The following CNTN3 variants were observed in gnomAD, a reference collection of about 807,000 sequenced individuals.
CNTN3 encodes contactin-3.
Under a neutral mutation model 119.1 loss-of-function variants are expected in CNTN3, and 60 were observed. The ratio of observed to expected loss-of-function variants is 0.50; its 90% CI spans 0.41 to 0.62. CNTN3 has a LOEUF of 0.62. CNTN3 is among the 20% of genes least tolerant of loss of function. The probability of loss-of-function intolerance (pLI) is 0.00; values close to 1 mark genes in which losing one functional copy is unlikely to be tolerated. For missense variants in CNTN3, 1,101 were observed against 1,242.4 expected, an observed-to-expected ratio of 0.89 and a Z score of 1.71; for synonymous variants, 450 against 438.7, an observed-to-expected ratio of 1.03 and a Z score of -0.32.
chr3:74,441,192 A>G (rs768934520), intron 4 of CNTN3, among the ~76,000 whole-genome samples: 8 of 152,186 alleles, frequency 5.3e-5, no homozygotes, highest in Non-Finnish European at 7.3e-5. Flanking sequence ...AACCCAGAAA[A>G]AACCCATCAA....
chr3:74,431,223 A>G (rs1358089158), intron 4 of CNTN3, among the ~76,000 whole-genome samples: 1 of 152,204 alleles, frequency 6.6e-6, no homozygotes, highest in Non-Finnish European at 1.5e-5. Flanking sequence ...CCAGGAAACC[A>G]TCAATGCATA....
At chr3:74,434,620 T>C (rs1701837145) in intron 4 of CNTN3, among the ~76,000 whole-genome samples, 1 of 152,184 alleles carries the variant, frequency 6.6e-6, no homozygotes, top group African/African-American at 2.4e-5. Context: ...CTCTAGCTAT[T>C]TGAACAGGGC....
chr3:74,550,518 G>A (rs1703974784), intron 1 of CNTN3, among the ~76,000 whole-genome samples: 2 of 152,080 alleles, frequency 1.3e-5, no homozygotes, highest in Admixed American at 1.3e-4. Context: ...GCCACTTTTT[G>A]CTCCTGTTGT....
intron 4 of CNTN3, among the ~76,000 whole-genome samples, chr3:74,480,137 T>C (rs535482730): frequency 1.3e-5 from 2 of 152,076 alleles, no homozygotes; most frequent in Non-Finnish European, 2.9e-5. Flanking sequence ...AGCTGATGCT[T>C]ATTCAAATAT....
intron 2 of CNTN3, among the ~76,000 whole-genome samples, chr3:74,519,167 T>C (rs1038172574): frequency 1.3e-5 from 2 of 151,694 alleles, no homozygotes; most frequent in Non-Finnish European, 2.9e-5. Flanking sequence ...TTTGCATGTA[T>C]AATTACACAC....
chr3:74,388,250 A>T (rs1280208452), intron 5 of CNTN3, among the ~76,000 whole-genome samples: 1 of 152,218 alleles, frequency 6.6e-6, no homozygotes, highest in Non-Finnish European at 1.5e-5. Context: ...GAATTTAAAT[A>T]AAAAGTCTAC....
intron 4 of CNTN3, among the ~76,000 whole-genome samples, chr3:74,450,720 T>A (rs1240430059): frequency 2.8e-5 from 4 of 141,008 alleles, no homozygotes; most frequent in African/African-American, 7.9e-5. Context: ...TGTCCATGTG[T>A]TCTCATTGCT....
chr3:74,521,610 A>T (rs572912717), intron 1 of CNTN3, among the ~76,000 whole-genome samples: 1 of 151,908 alleles, frequency 6.6e-6, no homozygotes, highest in East Asian at 1.9e-4. Context: ...CTGAATTCCT[A>T]ATAAAGCATG....
chr3:74,336,636 C>A lies in CNTN3; in HGVS notation c.1387G>T (p.Gly463Ter). The change falls in exon 12 of 23, where the codon GGA becomes TGA. Residue 463 changes from glycine to a stop codon, truncating the protein, a stop_gained. Transcript: ENST00000263665. LOFTEE classifies it high-confidence loss of function. The part of the protein sequence containing the change: ...HERISLLNDG[G>*]LKIANVTKAD... ...TTAGTCACATTGGCTATTTTGAGTC[C>A]TCCATCGTTTAACAAAGAAATTCTA... The A allele has an allele frequency of 6.2e-7, 1 of 1,608,352 alleles. No individual in the cohort carries two copies. Among genetic ancestry groups the A allele is most frequent in the Non-Finnish European group, 8.5e-7 (1 of 1,176,434 alleles).
intron 13 of CNTN3, 61 bp downstream of exon 13, chr3:74,334,674 A>G (rs1018792883): frequency 6.8e-7 from 1 of 1,463,512 alleles, no homozygotes; most frequent in Non-Finnish European, 9.4e-7. Flanking sequence ...GACAGTTTTC[A>G]GAAGCAATGT....
At chr3:74,457,461 A>T (rs1481054479) in intron 4 of CNTN3, among the ~76,000 whole-genome samples, 2 of 152,006 alleles carry the variant, frequency 1.3e-5, no homozygotes, top group South Asian at 2.1e-4. Flanking sequence ...TGTAGAATAG[A>T]TATTATATAA....
At chr3:74,420,309 A>G (rs1420044953) in intron 5 of CNTN3, among the ~76,000 whole-genome samples, 1 of 152,240 alleles carries the variant, frequency 6.6e-6, no homozygotes, top group South Asian at 2.1e-4. Flanking sequence ...CAAGTTGCTG[A>G]TACTATCTTG....
intron 4 of CNTN3, among the ~76,000 whole-genome samples, chr3:74,425,740 A>G (rs1443316656): frequency 1.3e-5 from 2 of 152,026 alleles, no homozygotes; most frequent in East Asian, 3.9e-4. Flanking sequence ...TCATAGCCTA[A>G]ATAGATTTTA....
intron 20 of CNTN3, among the ~76,000 whole-genome samples, chr3:74,270,638 T>A (rs1016819699): frequency 6.6e-6 from 1 of 152,130 alleles, no homozygotes; most frequent in Non-Finnish European, 1.5e-5. Flanking sequence ...AAGTAGTGAA[T>A]TAGGAATGAG....
chr3:74,379,695 T>G (rs962307870), intron 5 of CNTN3, among the ~76,000 whole-genome samples: 1 of 152,132 alleles, frequency 6.6e-6, no homozygotes, highest in African/African-American at 2.4e-5. Context: ...CTGACTACCC[T>G]TCACTCCTTG....
intron 1 of CNTN3, among the ~76,000 whole-genome samples, chr3:74,586,126 C>T (rs1575847762): frequency 6.6e-6 from 1 of 152,210 alleles, no homozygotes; most frequent in Non-Finnish European, 1.5e-5. Context: ...CTTATCTTGG[C>T]TGGCACAGGA....
chr3:74,515,617 C>A (rs573817296), intron 2 of CNTN3, among the ~76,000 whole-genome samples: 1 of 152,144 alleles, frequency 6.6e-6, no homozygotes, highest in East Asian at 1.9e-4. Flanking sequence ...GAGGGAAAAA[C>A]AAGGTAGGTC....
At chr3:74,535,882 C>G (rs1228814647) in intron 1 of CNTN3, among the ~76,000 whole-genome samples, 2 of 152,108 alleles carry the variant, frequency 1.3e-5, no homozygotes, top group Non-Finnish European at 2.9e-5. Context: ...TGCAGCCCGT[C>G]TTGAAACCTC....
At chr3:74,421,160 A>G (rs1701609632) in intron 5 of CNTN3, among the ~76,000 whole-genome samples, 1 of 152,012 alleles carries the variant, frequency 6.6e-6, no homozygotes, top group African/African-American at 2.4e-5. Flanking sequence ...TACTATGATT[A>G]TTTTTATTTT....
Sources: allele counts gnomAD v4.1 joint callset (sites outside exome capture counted in the v4.1 genomes callset), GRCh38; gene constraint gnomAD v4.1.1; transcripts MANE v1.5; gene names NCBI Gene and HGNC (gene_info 2026-07-23, HGNC 2026-07-21).